The following GLT6D1 variants were observed in gnomAD, a reference collection of about 807,000 sequenced individuals.
The protein encoded by GLT6D1 is putative glycosyltransferase 6 domain-containing protein 1.
A neutral mutation model predicts 12.3 loss-of-function variants in GLT6D1; 9 were observed. The ratio of observed to expected loss-of-function variants is 0.73; its 90% CI spans 0.44 to 1.27. The LOEUF is 1.27. GLT6D1 is among the 50% of genes most tolerant of loss of function. The pLI is 0.00. For missense variants in GLT6D1, 335 were observed against 346.2 expected (o/e 0.97, Z 0.26); for synonymous variants, 128 against 132.3 (o/e 0.97, Z 0.23).
Position 135,624,629 on chromosome 9 carries a change from T to C in GLT6D1, c.299A>G (p.Asn100Ser). 1 of 1,608,872 alleles carries C rather than the reference T, an allele frequency of 6.2e-7. No individual in the cohort carries two copies. Among genetic ancestry groups the C allele is most frequent in the East Asian group, 2.2e-5 (1 of 44,746 alleles). The change falls in exon 5 of 5, where the codon AAT becomes AGT. Residue 100 changes from asparagine (N) to serine (S), a missense_variant. By Grantham distance (46) the Asn-to-Ser change is conservative (BLOSUM62 1). Coordinates refer to ENST00000371763, the MANE Select transcript of GLT6D1 (RefSeq NM_182974.3). Reference sequence around the variant, plus strand: ...TCGGTAGCCTGTCATGAAGTGCTTATTTGCGGAGTGTAGGAACGGCCTCAG... The same window carrying C: ...TCGGTAGCCTGTCATGAAGTGCTTACTTGCGGAGTGTAGGAACGGCCTCAG... ...EYLRPFLHSANKHFMTGYRVI... is the reference protein window; with the variant it reads ...EYLRPFLHSASKHFMTGYRVI...
intron 3 of GLT6D1, among the ~76,000 whole-genome samples, chr9:135,629,192 C>CA (rs1197362285): frequency 2.0e-5 from 3 of 151,930 alleles, no homozygotes; most frequent in East Asian, 1.9e-4. Flanking sequence ...CTCATCTCTA[C>CA]AAAAAAATTC....
At chr9:135,626,269 A>G in intron 3 of GLT6D1, 63 bp from the exon 4 acceptor site, 2 of 1,562,314 alleles carry the variant, frequency 1.3e-6, no homozygotes, top group South Asian at 2.3e-5. Context: ...GCAGGTGCCG[A>G]GCAGTAATGC....
At chr9:135,639,842 CT>C (rs5901082), upstream of GLT6D1, among the ~76,000 whole-genome samples, 48,817 of 126,516 alleles carry the variant, frequency 0.39, 8,067 homozygotes, top group Middle Eastern at 0.45. Context: ...CTGATTTTCA[CT>C]TTTTTTTTTT....
At chr9:135,633,753 T>G (rs1029450357) in intron 2 of GLT6D1, among the ~76,000 whole-genome samples, 2 of 152,188 alleles carry the variant, frequency 1.3e-5, no homozygotes, top group African/African-American at 4.8e-5. Context: ...ACCCAACCAG[T>G]GAATAACTCC....
chr9:135,639,756 T>C (rs1833853824), upstream of GLT6D1, among the ~76,000 whole-genome samples: 1 of 152,038 alleles, frequency 6.6e-6, no homozygotes, highest in Non-Finnish European at 1.5e-5. Flanking sequence ...AGGCTTCACG[T>C]GGGATTTGGT....
At position 135,632,864 on chromosome 9, in the gene GLT6D1, C is replaced by T. The variant is rs1412802351; in HGVS notation, c.72-1386G>A. On this transcript the variant is annotated intron_variant, in intron 2 of 4. Transcript: ENST00000371763. Reference sequence around the variant, plus strand: ...TGTGTTTTTAGTAGAGATGTGGTTTCACAATGTTGGCCAGGATGGTCTCCA... The same window carrying T: ...TGTGTTTTTAGTAGAGATGTGGTTTTACAATGTTGGCCAGGATGGTCTCCA... Among the ~76,000 whole-genome samples, 3 of 152,272 alleles carry T rather than the reference C, an allele frequency of 2.0e-5. No individual in the cohort carries two copies. In the East Asian group the frequency reaches 5.8e-4, roughly 29 times the overall value.
rs1443988390 is a variant in GLT6D1, at chr9:135,631,447, C to G, written c.103G>C (p.Asp35His). 6.2e-7 allele frequency: 1 copy of G among 1,611,594 alleles called. No individual in the cohort carries two copies. Among genetic ancestry groups the G allele is most frequent in the East Asian group, 2.2e-5 (1 of 44,870 alleles). ...NHQVEELRLS[D>H]WFHPRKRPDV... ...TGTTCTTACCTAGGATGAAACCAGT[C>G]TGAGAGCCGAAGTTCTTCTACTTGG... Residue 35 changes from aspartate (D) to histidine (H), a missense_variant, in exon 3 of 5, where the codon GAC becomes CAC. By Grantham distance (81) the Asp-to-His change is moderately conservative (BLOSUM62 -1). Coordinates refer to ENST00000371763, the MANE Select transcript of GLT6D1 (RefSeq NM_182974.3).
In GLT6D1 at chr9:135,639,384, T is replaced by C; in HGVS notation, c.-98A>G. ...TCTCCTTCAAGTGCCCGGGGCTGACTGTTCCCCGTGGGTCAGCTGCACGTG... is the reference window on the plus strand; with the variant it reads ...TCTCCTTCAAGTGCCCGGGGCTGACCGTTCCCCGTGGGTCAGCTGCACGTG... On this transcript the variant is annotated 5_prime_UTR_variant, in exon 1 of 5. Transcript: ENST00000371763. The C allele has an allele frequency of 2.1e-6, 1 of 475,868 alleles. No homozygotes were observed. The highest frequency in any genetic ancestry group is 3.8e-6 in the Non-Finnish European group (1 of 266,606). 29.5% of individuals were successfully genotyped at this position (475,868 alleles called of 1,614,324 possible).
In GLT6D1 at chr9:135,639,122, A is replaced by T; in HGVS notation, c.66T>A (p.Tyr22Ter). 1 of 1,546,946 alleles carries T rather than the reference A, an allele frequency of 6.5e-7. No homozygotes were observed. The change falls in exon 2 of 5, where the codon TAT (tyrosine) becomes TAA (stop). Residue 22 changes from tyrosine to a stop codon, truncating the protein, a stop_gained. Coordinates refer to ENST00000371763, the MANE Select transcript of GLT6D1 (RefSeq NM_182974.3). LOFTEE classifies it high-confidence loss of function. ...TATCAATACTTTATATTTACCTGAA[A>T]TAACGCTCAACCAACATCAGTGAAA... ...FAFSLMLVER[Y>*]FRNHQVEELR...
intron 2 of GLT6D1, among the ~76,000 whole-genome samples, chr9:135,633,705 T>A (rs11103110): frequency 0.32 from 49,151 of 152,068 alleles, 8,076 homozygotes; most frequent in Middle Eastern, 0.44. Flanking sequence ...ATTCAAATGT[T>A]ACTGAGCATC....
At chr9:135,625,999 G>A in intron 4 of GLT6D1, 70 bp downstream of exon 4, 1 of 1,539,470 alleles carries the variant, frequency 6.5e-7, no homozygotes, top group East Asian at 2.3e-5. Context: ...GCTCTTTGGA[G>A]GTTAAAGGCT....
chr9:135,633,230 G>A (rs1833689437), intron 2 of GLT6D1, among the ~76,000 whole-genome samples: 1 of 151,994 alleles, frequency 6.6e-6, no homozygotes. Flanking sequence ...CGGCTGAGAT[G>A]ACTTTTCTAC....
At chr9:135,630,018 T>A (rs1050309580) in intron 3 of GLT6D1, among the ~76,000 whole-genome samples, 1 of 152,212 alleles carries the variant, frequency 6.6e-6, no homozygotes, top group Admixed American at 6.5e-5. Flanking sequence ...TATAAATATG[T>A]TTTTATACAT....
chr9:135,639,795 C>T (rs561009775), upstream of GLT6D1, among the ~76,000 whole-genome samples: 116 of 151,404 alleles, frequency 7.7e-4, 2 homozygotes, highest in South Asian at 0.021. Flanking sequence ...CACGCCACTG[C>T]GCTGTGTGTC....
At chr9:135,626,597 C>T (rs557403400) in intron 3 of GLT6D1, among the ~76,000 whole-genome samples, 262 of 152,318 alleles carry the variant, frequency 1.7e-3, no homozygotes, top group African/African-American at 5.7e-3. Context: ...TCCAATCATT[C>T]GCTGAAGCCA....
chr9:135,629,571 ATTC>A (rs1191612781), intron 3 of GLT6D1, among the ~76,000 whole-genome samples: 2 of 145,516 alleles, frequency 1.4e-5, no homozygotes, highest in Admixed American at 6.8e-5. Context: ...ACTTGAGAGT[ATTC>A]TTCTCTTGTT....
chr9:135,635,351 T>C (rs1833748705), intron 2 of GLT6D1, among the ~76,000 whole-genome samples: 1 of 152,166 alleles, frequency 6.6e-6, no homozygotes, highest in African/African-American at 2.4e-5. Flanking sequence ...CCTGGCACTA[T>C]GAGATGCTCT....
chr9:135,631,511 G>A, intron 2 of GLT6D1, 33 bp from the exon 3 acceptor site: 2 of 1,532,990 alleles, frequency 1.3e-6, no homozygotes, highest in African/African-American at 1.4e-5. Flanking sequence ...GTGATTGCAA[G>A]GAGCCTGTTC....
At chr9:135,638,257 C>A (rs1833821749) in intron 2 of GLT6D1, among the ~76,000 whole-genome samples, 1 of 152,194 alleles carries the variant, frequency 6.6e-6, no homozygotes, top group African/African-American at 2.4e-5. Flanking sequence ...CCCCATGATT[C>A]AATTACCTCC....
Sources: gnomAD v4.1 joint callset for allele counts (sites outside exome capture counted in the v4.1 genomes callset) on GRCh38, gnomAD v4.1.1 for gene constraint, MANE v1.5 for transcripts, NCBI Gene and HGNC (gene_info 2026-07-23, HGNC 2026-07-21) for gene names.